RP1L1: variants seen among roughly 807,000 people sequenced by gnomAD.
RP1L1 encodes the protein retinitis pigmentosa 1-like 1 protein.
In RP1L1, 27 loss-of-function variants were observed where a neutral mutation model predicts 15.7. That is an observed-to-expected ratio of 1.72 (90% CI 1.27 to 2.38). RP1L1 has a LOEUF of 2.38. RP1L1 is among the 30% of genes most tolerant of loss of function. RP1L1 has a pLI of 0.00. For missense variants in RP1L1, 4,798 were observed against 3,075.9 expected, an observed-to-expected ratio of 1.56 and a Z score of -13.24; for synonymous variants, 1,813 against 1,276.7, an observed-to-expected ratio of 1.42 and a Z score of -8.96.
chr8:10,622,867 G>A lies in RP1L1; in HGVS notation c.335C>T (p.Thr112Ile), dbSNP rs6601495. The A allele has an allele frequency of 9.9e-6, 16 of 1,613,062 alleles. No homozygotes were observed. Among genetic ancestry groups the A allele is most frequent in the Middle Eastern group, 1.7e-4 (1 of 6,058 alleles). ...CTGTGGCCGGCCTGGTCCACTGGGGGTCTTGGGGGGCTTCTTATCAGAGCA... is the reference window on the plus strand; with the variant it reads ...CTGTGGCCGGCCTGGTCCACTGGGGATCTTGGGGGGCTTCTTATCAGAGCA... The part of the protein sequence containing the change: ...YLCSDKKPPK[T>I]PSGPGRPQER... The change falls in exon 2 of 4, where the codon ACC (threonine) becomes ATC (isoleucine). Residue 112 changes from threonine (T) to isoleucine (I), a missense_variant. Thr to Ile is a moderately conservative substitution (Grantham distance 89, BLOSUM62 -1). Transcript: ENST00000382483.
At position 10,652,739 on chromosome 8, in the gene RP1L1, C is replaced by T. The variant is rs530167937; in HGVS notation, c.-20+2159G>A. 2.6e-4 allele frequency among the ~76,000 whole-genome samples: 39 copies of T among 152,198 alleles called. 1 individual carries two copies. Among genetic ancestry groups the T allele is most frequent in the Middle Eastern group, 6.8e-3 (2 of 292 alleles). ...ATTCCATCTGCAGCCTGAGGCTGGC[C>T]GGCTCTCCACTCTGAGCCCACGTCC... is the stretch of plus-strand genomic sequence containing the variant. On this transcript the variant is annotated intron_variant, in intron 1 of 3. Coordinates refer to ENST00000382483, the MANE Select transcript of RP1L1 (RefSeq NM_178857.6).
At chr8:10,629,187 A>G (rs546352024) in intron 1 of RP1L1, among the ~76,000 whole-genome samples, 13 of 152,384 alleles carry the variant, frequency 8.5e-5, no homozygotes, top group Middle Eastern at 3.4e-3. Context: ...GAGCAAGTGC[A>G]TGGAGGAAAC....
intron 1 of RP1L1, among the ~76,000 whole-genome samples, chr8:10,628,193 A>C (rs1454847975): frequency 6.6e-6 from 1 of 152,190 alleles, no homozygotes; most frequent in Non-Finnish European, 1.5e-5. Flanking sequence ...GCCATAAACA[A>C]AGAGGTTAAA....
Position 10,613,136 on chromosome 8 carries a change from AG to A in RP1L1, c.961del (p.Leu321CysfsTer5). ...GAAGCGGACTTTCATCTCCACGGACAGGCTGCCGTCCTCATTCATGCGGACC... is the reference window on the plus strand; with the variant it reads ...GAAGCGGACTTTCATCTCCACGGACAGCTGCCGTCCTCATTCATGCGGACC... ...KKVRMNEDGS[L>X]SVEMKVRFHL... On this transcript the variant is annotated frameshift_variant, in exon 4 of 4. Coordinates refer to ENST00000382483, the MANE Select transcript of RP1L1 (RefSeq NM_178857.6). LOFTEE classifies it low-confidence loss of function (END_TRUNC). 1 of 1,613,888 alleles carries A rather than the reference AG, an allele frequency of 6.2e-7. No homozygotes were observed. The highest frequency in any genetic ancestry group is 8.5e-7 in the Non-Finnish European group (1 of 1,180,024).
Position 10,609,087 on chromosome 8 carries a change from A to T in RP1L1, c.5011T>A (p.Ser1671Thr). ...ACVRKKVSPM[S>T]PKATMGATRG... ...GTTGCCCCCATTGTGGCCTTGGGGG[A>T]CATAGGGCTCACTTTCTTCCTCACG... is the stretch of plus-strand genomic sequence containing the variant. Residue 1671 changes from serine to threonine, a missense_variant, in exon 4 of 4, where the codon TCC (serine) becomes ACC (threonine). Physicochemically the swap from Ser to Thr is moderately conservative, Grantham distance 58. Transcript: ENST00000382483. The T allele has an allele frequency of 6.2e-7, 1 of 1,613,416 alleles. No homozygotes were observed. Among genetic ancestry groups the T allele is most frequent in the South Asian group, 1.1e-5 (1 of 91,042 alleles).
intron 1 of RP1L1, among the ~76,000 whole-genome samples, chr8:10,627,651 A>T (rs1798179582): frequency 6.6e-6 from 1 of 151,704 alleles, no homozygotes; most frequent in East Asian, 1.9e-4. Context: ...CGAGATATAA[A>T]AAAAAAAGTA....
chr8:10,650,924 C>T (rs1001311933), intron 1 of RP1L1, among the ~76,000 whole-genome samples: 10 of 152,196 alleles, frequency 6.6e-5, no homozygotes, highest in African/African-American at 2.2e-4. Context: ...CTTACTTAAT[C>T]TTTGTTAAAA....
chr8:10,609,094 G>C lies in RP1L1; in HGVS notation c.5004C>G (p.Ser1668Arg). Residue 1668 changes from serine to arginine, a missense_variant, in exon 4 of 4, where the codon AGC becomes AGG. Coordinates refer to ENST00000382483, the MANE Select transcript of RP1L1 (RefSeq NM_178857.6). ...CCATTGTGGCCTTGGGGGACATAGG[G>C]CTCACTTTCTTCCTCACGCAGGCCT... ...PCEACVRKKVSPMSPKATMGA... is the reference protein window; with the variant it reads ...PCEACVRKKVRPMSPKATMGA... The C allele has an allele frequency of 1.2e-6, 2 of 1,613,616 alleles. No homozygotes were observed. The highest frequency in any genetic ancestry group is 1.7e-6 in the Non-Finnish European group (2 of 1,179,636).
In RP1L1 at chr8:10,606,892, T is replaced by G. The variant is rs1797711685; in HGVS notation, c.*3A>C. 1 of 1,614,062 alleles carries G rather than the reference T, an allele frequency of 6.2e-7. No homozygotes were observed. Among genetic ancestry groups the G allele is most frequent in the Non-Finnish European group, 8.5e-7 (1 of 1,180,026 alleles). On this transcript the variant is annotated 3_prime_UTR_variant, in exon 4 of 4. Coordinates refer to ENST00000382483, the MANE Select transcript of RP1L1 (RefSeq NM_178857.6). ...TCGTGATTGTTTTCTAGCTTGATCT[T>G]GTCTAGAAATCTAAGTCATCTTGGC...
Position 10,611,435 on chromosome 8 carries a change from G to A in RP1L1, c.2663C>T (p.Pro888Leu), listed in dbSNP as rs894409098. 6.3e-6 allele frequency: 10 copies of A among 1,576,838 alleles called. No individual in the cohort carries two copies. The highest frequency in any genetic ancestry group is 4.0e-5 in the African/African-American group (3 of 74,200). Reference protein sequence around the residue: ...QSTARGPGGSPQEGTRQPGPT... With the variant: ...QSTARGPGGSLQEGTRQPGPT... ...GCCTGGCTGGCGTGTCCCCTCCTGC[G>A]GGCTCCCACCTGGCCCCCGGGCAGT... Residue 888 changes from proline to leucine, a missense_variant, in exon 4 of 4, where the codon CCG (proline) becomes CTG (leucine). Transcript: ENST00000382483.
In RP1L1 at chr8:10,610,881, G is replaced by A. The variant is rs771785916; in HGVS notation, c.3217C>T (p.Arg1073Trp). The change falls in exon 4 of 4, where the codon CGG becomes TGG. Residue 1073 changes from arginine to tryptophan, a missense_variant. By Grantham distance (101) the Arg-to-Trp change is moderately radical. Coordinates refer to ENST00000382483, the MANE Select transcript of RP1L1 (RefSeq NM_178857.6). ...EAPAGCRVSL[R>W]ALPGRVSAST... is the part of the protein sequence containing the mutation. ...GCAGACACCCGGCCAGGAAGTGCCCGCAGGCTCACCCTGCAGCCTGCTGGG... is the reference window on the plus strand; with the variant it reads ...GCAGACACCCGGCCAGGAAGTGCCCACAGGCTCACCCTGCAGCCTGCTGGG... 38 of 1,608,928 alleles carry A rather than the reference G, an allele frequency of 2.4e-5. No individual in the cohort carries two copies. The highest frequency in any genetic ancestry group is 1.3e-4 in the Admixed American group (8 of 59,740).
In RP1L1 at chr8:10,609,302, A is replaced by T; in HGVS notation, c.4796T>A (p.Leu1599Gln). The T allele has an allele frequency of 6.2e-7, 1 of 1,611,230 alleles. No homozygotes were observed. The highest frequency in any genetic ancestry group is 1.1e-5 in the South Asian group (1 of 90,986). Residue 1599 changes from leucine (L) to glutamine (Q), a missense_variant, in exon 4 of 4, where the codon CTG becomes CAG. Leu to Gln is a moderately radical substitution (Grantham distance 113). Transcript: ENST00000382483. ...EPPREALTGELLLQTQQRRHR... is the reference protein window; with the variant it reads ...EPPREALTGEQLLQTQQRRHR... ...TCTGCGCTGCTGGGTCTGCAGGAGC[A>T]GCTCCCCGGTGAGGGCCTCCCTTGG...
chr8:10,612,665 T>C lies in RP1L1; in HGVS notation c.1433A>G (p.Asp478Gly). Residue 478 changes from aspartate (D) to glycine (G), a missense_variant, in exon 4 of 4, where the codon GAC (aspartate) becomes GGC (glycine). Physicochemically the swap from Asp to Gly is moderately conservative, Grantham distance 94. Coordinates refer to ENST00000382483, the MANE Select transcript of RP1L1 (RefSeq NM_178857.6). ...ESSCCPRTPE[D>G]GVDSASPSAQ... ...AGAGGGGCTGGCACTGTCCACCCCGTCCTCCGGGGTCCTGGGGCAGCAGGA... is the reference window on the plus strand; with the variant it reads ...AGAGGGGCTGGCACTGTCCACCCCGCCCTCCGGGGTCCTGGGGCAGCAGGA... 6.2e-7 allele frequency: 1 copy of C among 1,600,792 alleles called. No individual in the cohort carries two copies. The highest frequency in any genetic ancestry group is 8.5e-7 in the Non-Finnish European group (1 of 1,177,564).
intron 2 of RP1L1, among the ~76,000 whole-genome samples, chr8:10,616,887 G>C (rs148469904): frequency 1.3e-5 from 2 of 152,158 alleles, no homozygotes; most frequent in Non-Finnish European, 2.9e-5. Flanking sequence ...TCTGTAGGCC[G>C]CATTTCTGCC....
At chr8:10,631,565 C>G (rs1798253067) in intron 1 of RP1L1, among the ~76,000 whole-genome samples, 1 of 152,202 alleles carries the variant, frequency 6.6e-6, no homozygotes, top group South Asian at 2.1e-4. Flanking sequence ...CTACAGTTAC[C>G]TAGAGAGATG....
intron 1 of RP1L1, among the ~76,000 whole-genome samples, chr8:10,635,150 T>A (rs1358943493): frequency 6.6e-6 from 1 of 152,170 alleles, no homozygotes; most frequent in Non-Finnish European, 1.5e-5. Flanking sequence ...CATCTGATCT[T>A]GCCACTGGCC....
rs1304316389 is a variant in RP1L1 at position 10,613,222 on chromosome 8, G to C, written c.876C>G (p.His292Gln). 1 of 1,613,210 alleles carries C rather than the reference G, an allele frequency of 6.2e-7. No homozygotes were observed. The highest frequency in any genetic ancestry group is 1.3e-5 in the African/African-American group (1 of 74,954). The change falls in exon 4 of 4, where the codon CAC (histidine) becomes CAG (glutamine). Residue 292 changes from histidine to glutamine, a missense_variant. His to Gln is a conservative substitution (Grantham distance 24). Coordinates refer to ENST00000382483, the MANE Select transcript of RP1L1 (RefSeq NM_178857.6). ...CCGACTGAGCTGGCGTGTCCTGAGG[G>C]TGCCTGCCAGGAGCAGGGCCCACCG... ...NPPVGPAPGR[H>Q]PQDTPAQSGP...
Position 10,608,307 on chromosome 8 carries a change from C to A in RP1L1, c.5791G>T (p.Asp1931Tyr), listed in dbSNP as rs771167107. ...TCTGCACCTTCTGACTCTGGCTCGT[C>A]CTCCCCTTCAGTCTCCAGGGCCTCT... is the stretch of plus-strand genomic sequence containing the variant. ...SVEALETEGE[D>Y]EPESEGAEAQ... is the part of the protein sequence containing the mutation. The change falls in exon 4 of 4, where the codon GAC (aspartate) becomes TAC (tyrosine). Residue 1931 changes from aspartate to tyrosine, a missense_variant. By Grantham distance (160) the Asp-to-Tyr change is radical. Transcript: ENST00000382483. 6.2e-7 allele frequency: 1 copy of A among 1,612,874 alleles called. No individual in the cohort carries two copies. The highest frequency in any genetic ancestry group is 8.5e-7 in the Non-Finnish European group (1 of 1,179,754).
intron 3 of RP1L1, 126 bp downstream of exon 3, chr8:10,616,320 G>T (rs1797963883): frequency 1.6e-6 from 2 of 1,242,502 alleles, no homozygotes; most frequent in South Asian, 1.2e-5. Flanking sequence ...ATCCCAAAAT[G>T]ACTGGGATAC....
Sources: allele counts gnomAD v4.1 joint callset (sites outside exome capture counted in the v4.1 genomes callset), GRCh38; gene constraint gnomAD v4.1.1; transcripts MANE v1.5; gene names NCBI Gene and HGNC (gene_info 2026-07-23, HGNC 2026-07-21).